DCC: variants seen among roughly 807,000 people sequenced by gnomAD.
DCC encodes the protein DCC netrin 1 receptor.
In DCC, 58 loss-of-function variants were observed where a neutral mutation model predicts 172.5. The ratio of observed to expected loss-of-function variants is 0.34; its 90% CI spans 0.27 to 0.42. The LOEUF is 0.42. Among genes scored for constraint, DCC ranks in the 10% least tolerant of loss-of-function variants. The probability of loss-of-function intolerance (pLI) is 1.00; values close to 1 mark genes in which losing one functional copy is unlikely to be tolerated. For missense variants in DCC, 1,740 were observed against 1,791.0 expected, an observed-to-expected ratio of 0.97 and a Z score of 0.51; for synonymous variants, 709 against 644.5, an observed-to-expected ratio of 1.10 and a Z score of -1.52.
At chr18:52,852,392 G>T (rs893643009) in intron 2 of DCC, among the ~76,000 whole-genome samples, 1 of 152,048 alleles carries the variant, frequency 6.6e-6, no homozygotes, top group African/African-American at 2.4e-5. Context: ...TCATCCATCT[G>T]TTTCTCTTTA....
chr18:52,788,854 G>C (rs2037709445), intron 2 of DCC, among the ~76,000 whole-genome samples: 1 of 152,138 alleles, frequency 6.6e-6, no homozygotes, highest in Non-Finnish European at 1.5e-5. Flanking sequence ...ATCCCCAAAA[G>C]GAGGGAGAGC....
intron 7 of DCC, among the ~76,000 whole-genome samples, chr18:53,068,430 C>T (rs67336507): frequency 7.8e-6 from 1 of 128,896 alleles, no homozygotes; most frequent in Non-Finnish European, 1.6e-5. Context: ...ACCCCACAAA[C>T]TGTACCATAT....
chr18:52,740,226 A>G (rs560401179), intron 1 of DCC, among the ~76,000 whole-genome samples: 40 of 152,282 alleles, frequency 2.6e-4, no homozygotes, highest in East Asian at 7.7e-4. Flanking sequence ...TTAAGTCACC[A>G]TCTATAAAAC....
At chr18:52,414,769 A>G (rs1189819206) in intron 1 of DCC, among the ~76,000 whole-genome samples, 2 of 152,210 alleles carry the variant, frequency 1.3e-5, no homozygotes, top group African/African-American at 4.8e-5. Flanking sequence ...CTTTAATTAT[A>G]GGAGCACTAT....
chr18:53,096,807 A>G (rs959503759), intron 7 of DCC, among the ~76,000 whole-genome samples: 3 of 152,178 alleles, frequency 2.0e-5, no homozygotes, highest in Non-Finnish European at 4.4e-5. Flanking sequence ...GATAATTATT[A>G]TTATGATCCT....
At chr18:52,864,489 T>C (rs1195132969) in intron 2 of DCC, among the ~76,000 whole-genome samples, 2 of 152,210 alleles carry the variant, frequency 1.3e-5, no homozygotes, top group Non-Finnish European at 2.9e-5. Flanking sequence ...AGGTGGCTTT[T>C]TAACATAGTT....
chr18:52,642,464 C>T lies in DCC; in HGVS notation c.92-109590C>T, dbSNP rs192151882. Among the ~76,000 whole-genome samples the T allele has an allele frequency of 4.6e-5, 7 of 152,112 alleles. No homozygotes were observed. The East Asian group carries it at 1.4e-3, about 30-fold the overall frequency. On this transcript the variant is annotated intron_variant, in intron 1 of 28. Coordinates refer to ENST00000442544, the MANE Select transcript of DCC (RefSeq NM_005215.4). ...CAAACACCACCTGTTCCCCAATAAC[C>T]TATGGAAATAAAAATGTTGTTTTTA...
At chr18:52,389,102 G>C (rs2144344082) in intron 1 of DCC, among the ~76,000 whole-genome samples, 1 of 152,162 alleles carries the variant, frequency 6.6e-6, no homozygotes, top group East Asian at 1.9e-4. Flanking sequence ...TACGCACAGG[G>C]TGAGCCCACC....
chr18:52,454,540 T>C (rs544617723), intron 1 of DCC, among the ~76,000 whole-genome samples: 2 of 152,108 alleles, frequency 1.3e-5, no homozygotes, highest in Non-Finnish European at 2.9e-5. Flanking sequence ...ATTAAATTAA[T>C]TCCACTCCTA....
At chr18:53,281,109 T>C (rs2056865975) in intron 12 of DCC, among the ~76,000 whole-genome samples, 1 of 152,120 alleles carries the variant, frequency 6.6e-6, no homozygotes, top group African/African-American at 2.4e-5. Flanking sequence ...TAATAAAAGA[T>C]CTGTTTTTTA....
intron 1 of DCC, among the ~76,000 whole-genome samples, chr18:52,497,625 G>A (rs985684997): frequency 1.3e-5 from 2 of 151,880 alleles, no homozygotes; most frequent in Admixed American, 1.3e-4. Flanking sequence ...TGAATCCCAA[G>A]AGAATTGCTA....
chr18:52,640,624 A>C (rs1023463127), intron 1 of DCC, among the ~76,000 whole-genome samples: 2 of 151,942 alleles, frequency 1.3e-5, no homozygotes, highest in Admixed American at 6.6e-5. Context: ...CTGCAAAAAA[A>C]AGAAAAAAAA....
chr18:52,743,653 C>A (rs942731007), intron 1 of DCC, among the ~76,000 whole-genome samples: 3 of 152,188 alleles, frequency 2.0e-5, no homozygotes, highest in African/African-American at 7.2e-5. Flanking sequence ...CACTTCTTGC[C>A]CTTTAAAAAC....
intron 5 of DCC, among the ~76,000 whole-genome samples, chr18:52,999,159 G>A (rs1250161150): frequency 6.6e-6 from 1 of 151,826 alleles, no homozygotes; most frequent in Non-Finnish European, 1.5e-5. Context: ...AAGAGCTGTT[G>A]GACCAATTAA....
intron 17 of DCC, among the ~76,000 whole-genome samples, chr18:53,394,566 C>T (rs762932321): frequency 3.3e-4 from 50 of 151,848 alleles, no homozygotes; most frequent in Admixed American, 1.3e-4. Context: ...ATATATCCAT[C>T]GAGTGTTGAC....
chr18:52,516,422 A>T (rs1159008805), intron 1 of DCC, among the ~76,000 whole-genome samples: 4 of 152,204 alleles, frequency 2.6e-5, no homozygotes, highest in Non-Finnish European at 5.9e-5. Context: ...TCTGAATAAG[A>T]TTGGTGGGCC....
At chr18:53,482,548 G>C (rs1355777770) in intron 25 of DCC, among the ~76,000 whole-genome samples, 3 of 151,922 alleles carry the variant, frequency 2.0e-5, no homozygotes. Flanking sequence ...AATTTGTTTG[G>C]CTCCAAATCA....
At chr18:53,299,612 A>G (rs1181992594) in intron 12 of DCC, among the ~76,000 whole-genome samples, 1 of 152,170 alleles carries the variant, frequency 6.6e-6, no homozygotes, top group African/African-American at 2.4e-5. Flanking sequence ...TTTCATTATT[A>G]GTTCATATGT....
chr18:52,408,089 A>T (rs1239238010), intron 1 of DCC, among the ~76,000 whole-genome samples: 2 of 152,104 alleles, frequency 1.3e-5, no homozygotes, highest in Non-Finnish European at 2.9e-5. Flanking sequence ...TCTGTCTTAC[A>T]GAAATATATT....
Sources: allele counts gnomAD v4.1 joint callset (sites outside exome capture counted in the v4.1 genomes callset), GRCh38; gene constraint gnomAD v4.1.1; transcripts MANE v1.5; gene names NCBI Gene and HGNC (gene_info 2026-07-23, HGNC 2026-07-21).